Variants in BAZ1A observed in about 807,000 individuals in gnomAD.
BAZ1A encodes bromodomain adjacent to zinc finger domain 1A.
A neutral mutation model predicts 185.2 loss-of-function variants in BAZ1A; 50 were observed. That is an observed-to-expected ratio of 0.27 (90% confidence interval 0.22 to 0.34). The LOEUF (loss-of-function observed/expected upper bound fraction) is 0.34, where lower values mean the gene tolerates loss of function less well. Among genes scored for constraint, BAZ1A ranks in the 10% least tolerant of loss-of-function variants. The pLI is 1.00. For missense variants in BAZ1A, 1,356 were observed against 1,839.9 expected (o/e 0.74, Z 4.81); for synonymous variants, 571 against 615.6 (o/e 0.93, Z 1.07).
intron 5 of BAZ1A, among the ~76,000 whole-genome samples, chr14:34,809,759 A>G (rs978464418): frequency 6.6e-6 from 1 of 152,198 alleles, no homozygotes; most frequent in African/African-American, 2.4e-5. Context: ...AAAAGTAAAT[A>G]GAAAAATGAA....
chr14:34,769,079 CCTA>C (rs1424493189), intron 21 of BAZ1A, among the ~76,000 whole-genome samples: 5 of 152,042 alleles, frequency 3.3e-5, no homozygotes, highest in African/African-American at 4.8e-5. Flanking sequence ...TGGGAAAATG[CCTA>C]CTATGATTAA....
At chr14:34,761,254 C>T (rs1200534871) in intron 24 of BAZ1A, among the ~76,000 whole-genome samples, 1 of 152,002 alleles carries the variant, frequency 6.6e-6, no homozygotes, top group Admixed American at 6.6e-5. Context: ...TCCAGCCTGG[C>T]GACAGAGCTA....
chr14:34,758,022 C>T (rs1239868747), intron 25 of BAZ1A, among the ~76,000 whole-genome samples: 1 of 148,742 alleles, frequency 6.7e-6, no homozygotes, highest in Non-Finnish European at 1.5e-5. Flanking sequence ...GCTGGGATTA[C>T]AGGTGTGAGC....
chr14:34,827,501 C>T (rs1318607385), intron 3 of BAZ1A, among the ~76,000 whole-genome samples: 5 of 151,960 alleles, frequency 3.3e-5, no homozygotes, highest in Admixed American at 6.6e-5. Flanking sequence ...TTTGGGAGGC[C>T]GAGGCGGGTG....
intron 4 of BAZ1A, among the ~76,000 whole-genome samples, chr14:34,815,216 C>CT (rs2041988667): frequency 1.3e-5 from 2 of 152,096 alleles, no homozygotes; most frequent in African/African-American, 4.8e-5. Context: ...TGAAAATATT[C>CT]TTACTGGGGC....
intron 18 of BAZ1A, 149 bp from the exon 19 acceptor site, chr14:34,774,639 C>A (rs1879467046): frequency 1.5e-6 from 1 of 685,016 alleles, no homozygotes; most frequent in Non-Finnish European, 2.3e-6. Flanking sequence ...GAATGAATAT[C>A]ATTTATCTTA....
chr14:34,790,295 A>C (rs1229197965), intron 12 of BAZ1A, among the ~76,000 whole-genome samples: 1 of 151,786 alleles, frequency 6.6e-6, no homozygotes, highest in Non-Finnish European at 1.5e-5. Flanking sequence ...CAGCCTCCCA[A>C]GTAGAGCTGG....
chr14:34,840,329 C>T (rs2042393540), intron 3 of BAZ1A, among the ~76,000 whole-genome samples: 1 of 152,106 alleles, frequency 6.6e-6, no homozygotes, highest in African/African-American at 2.4e-5. Context: ...CAGAAAGAAG[C>T]ATTATACCGG....
intron 18 of BAZ1A, 123 bp downstream of exon 18, chr14:34,775,796 G>A: frequency 1.4e-6 from 1 of 726,744 alleles, no homozygotes; most frequent in Non-Finnish European, 2.3e-6. Context: ...TAAAAGGACA[G>A]CCTAAATCAA....
intron 9 of BAZ1A, among the ~76,000 whole-genome samples, chr14:34,797,564 A>C (rs1881265942): frequency 6.6e-6 from 1 of 152,150 alleles, no homozygotes; most frequent in South Asian, 2.1e-4. Flanking sequence ...ATCTCAAAAA[A>C]AAAAGTGTTA....
At chr14:34,832,228 A>ATATATATATATATATATATG (rs1437244262) in intron 3 of BAZ1A, among the ~76,000 whole-genome samples, 15 of 143,438 alleles carry the variant, frequency 1.0e-4, no homozygotes, top group African/African-American at 3.3e-4. Context: ...ATATATATAT[A>ATATATATATATATATATATG]TATGTATGTA....
At position 34,874,220 on chromosome 14, in the gene BAZ1A, C is replaced by CA. The variant is rs2043002578; in HGVS notation, c.113+271dup. 2.8e-6 allele frequency: 1 copy of CA among 353,256 alleles called. No individual in the cohort carries two copies. Among genetic ancestry groups the CA allele is most frequent in the African/African-American group, 2.2e-5 (1 of 45,456 alleles). 21.9% of individuals were successfully genotyped at this position (353,256 alleles called of 1,614,324 possible). A position where few individuals can be genotyped will look rare whatever the true frequency, so the allele number is the denominator to read the frequency against. On this transcript the variant is annotated intron_variant, in intron 2 of 26. Coordinates refer to ENST00000360310, the MANE Select transcript of BAZ1A (RefSeq NM_013448.3). This position sits in a 1 kb window ranked among gnomAD's most constrained non-coding sequence, Gnocchi z 4.7. ...CGCGGCCAAGAGGGCGGGAGGGCGA[C>CA]AGCAGCGGCTAGGAGCGGTCCCCGA...
chr14:34,862,496 A>G (rs1290364433), intron 2 of BAZ1A, among the ~76,000 whole-genome samples, 174 bp from the exon 3 acceptor site: 5 of 152,208 alleles, frequency 3.3e-5, no homozygotes, highest in African/African-American at 4.8e-5. Context: ...TAATACAAAC[A>G]TAAGAAAAAG....
At chr14:34,790,163 A>G (rs1402462905) in intron 12 of BAZ1A, among the ~76,000 whole-genome samples, 1 of 148,234 alleles carries the variant, frequency 6.7e-6, no homozygotes. Flanking sequence ...TTAAATAAAT[A>G]TTTTCTTTTT....
chr14:34,758,571 C>CT, intron 25 of BAZ1A, 133 bp downstream of exon 25: 2 of 897,608 alleles, frequency 2.2e-6, no homozygotes, highest in Non-Finnish European at 3.3e-6. Flanking sequence ...CAGAGTGAGA[C>CT]TGTCTCAGGA....
intron 21 of BAZ1A, among the ~76,000 whole-genome samples, chr14:34,766,048 T>C: frequency 6.6e-6 from 1 of 152,154 alleles, no homozygotes; most frequent in Non-Finnish European, 1.5e-5. Context: ...GCATAACGGT[T>C]AAGAAAATGC....
At position 34,753,528 on chromosome 14, in the gene BAZ1A, C is replaced by T. The variant is rs752753993; in HGVS notation, c.4651G>A (p.Ala1551Thr). The T allele has an allele frequency of 1.2e-6, 2 of 1,614,042 alleles. No individual in the cohort carries two copies. Among genetic ancestry groups the T allele is most frequent in the Non-Finnish European group, 8.5e-7 (1 of 1,179,982 alleles). Residue 1551 changes from alanine (A) to threonine (T), a missense_variant, in exon 27 of 27, where the codon GCG (alanine) becomes ACG (threonine). Ala to Thr is a moderately conservative substitution (Grantham distance 58, BLOSUM62 0). Around this residue, in one of 7 missense-constraint regions of BAZ1A, gnomAD observed 25 missense variants for 20.1 expected, o/e 1.24. Transcript: ENST00000360310. ...CAAAGTCAGATTCGTGACTTTTTCG[C>T]AGCCGGTGGTGTGCTAACTTGGTCC... is the stretch of plus-strand genomic sequence containing the variant. ...NVDQVSTPPA[A>T]KKSRI
At chr14:34,812,117 T>C (rs1454693923) in intron 4 of BAZ1A, among the ~76,000 whole-genome samples, 1 of 151,450 alleles carries the variant, frequency 6.6e-6, no homozygotes, top group Non-Finnish European at 1.5e-5. Context: ...ATAAGTGCTA[T>C]GAAGAGAACA....
At chr14:34,787,075 C>T (rs1322363830) in intron 12 of BAZ1A, among the ~76,000 whole-genome samples, 1 of 152,168 alleles carries the variant, frequency 6.6e-6, no homozygotes, top group East Asian at 1.9e-4. Context: ...ATTTTCCAGG[C>T]CAAGTGCGGT....
Sources: allele counts gnomAD v4.1 joint callset (sites outside exome capture counted in the v4.1 genomes callset), GRCh38; gene constraint gnomAD v4.1.1; regional missense constraint gnomAD v4.1.1; non-coding constraint Gnocchi (gnomAD v3.1); transcripts MANE v1.5; gene names NCBI Gene and HGNC (gene_info 2026-07-23, HGNC 2026-07-21).